Variants in PRKCE observed in about 807,000 individuals in gnomAD.
PRKCE encodes the protein protein kinase C epsilon type.
Under a neutral mutation model 85.4 loss-of-function variants are expected in PRKCE, and 16 were observed. The observed-to-expected ratio is 0.19, with a 90% CI of 0.13 to 0.28. The LOEUF (loss-of-function observed/expected upper bound fraction) is 0.28. Among genes scored for constraint, PRKCE ranks in the 10% least tolerant of loss-of-function variants. The pLI is 1.00. For synonymous variants in PRKCE, 388 were observed against 371.5 expected (o/e 1.04, Z -0.51); for missense variants, 573 against 975.2 (o/e 0.59, Z 5.49).
intron 11 of PRKCE, among the ~76,000 whole-genome samples, chr2:46,108,485 A>T (rs2104187279): frequency 6.6e-6 from 1 of 152,280 alleles, no homozygotes; most frequent in Non-Finnish European, 1.5e-5. Flanking sequence ...CAGAGTGTGG[A>T]ATGATGGACA....
intron 11 of PRKCE, among the ~76,000 whole-genome samples, chr2:46,110,283 T>G (rs1356095123): frequency 6.6e-6 from 1 of 152,150 alleles, no homozygotes; most frequent in Non-Finnish European, 1.5e-5. Context: ...CTCCCTTAAG[T>G]GTTTGGTACA....
chr2:45,743,509 T>A (rs534880554), intron 1 of PRKCE, among the ~76,000 whole-genome samples: 10 of 151,750 alleles, frequency 6.6e-5, no homozygotes, highest in Admixed American at 4.6e-4. Context: ...GTAGACTTGA[T>A]GCTTTTTTGC....
At position 45,737,271 on chromosome 2, in the gene PRKCE, A is replaced by G. The variant is rs149860906; in HGVS notation, c.348+84823A>G. On this transcript the variant is annotated intron_variant, in intron 1 of 14. Transcript: ENST00000306156. ...TTACCCTTGGCCCACGTCTTGGCTC[A>G]CTTACAGATTCCTCTCATCTTCTGG... Among the ~76,000 whole-genome samples, 575 of 152,342 alleles carry G rather than the reference A, an allele frequency of 3.8e-3. 5 individuals are homozygous for G. Among genetic ancestry groups the G allele is most frequent in the African/African-American group, 0.013 (557 of 41,582 alleles).
intron 1 of PRKCE, among the ~76,000 whole-genome samples, chr2:45,730,510 A>C (rs1681478975): frequency 6.8e-6 from 1 of 146,426 alleles, no homozygotes; most frequent in African/African-American, 2.6e-5. Context: ...CCCAGGCTCG[A>C]GTACAGTGGC....
At chr2:46,125,926 A>G (rs533692169) in intron 11 of PRKCE, among the ~76,000 whole-genome samples, 1 of 152,310 alleles carries the variant, frequency 6.6e-6, no homozygotes, top group African/African-American at 2.4e-5. Context: ...GTTTAAAATG[A>G]TTAAAAGTGA....
intron 11 of PRKCE, among the ~76,000 whole-genome samples, chr2:46,126,678 G>A (rs756190782): frequency 3.9e-5 from 6 of 152,066 alleles, no homozygotes; most frequent in Non-Finnish European, 7.4e-5. Context: ...GCTTTCTTGT[G>A]TCTCCCCATA....
rs1054757899 is a variant in PRKCE at position 46,031,982 on chromosome 2, G to T, written c.1437+21465G>T. ...TCTCATTTTGAACATTTACTTTTCA[G>T]ACATTTATTTGGTTTTTTAAACTTC... On this transcript the variant is annotated intron_variant, in intron 10 of 14. Coordinates refer to ENST00000306156, the MANE Select transcript of PRKCE (RefSeq NM_005400.3). 3.3e-5 allele frequency among the ~76,000 whole-genome samples: 5 copies of T among 152,276 alleles called. No homozygotes were observed. In the South Asian group the frequency reaches 1.0e-3, roughly 32 times the overall value.
chr2:46,159,831 G>T lies in PRKCE; in HGVS notation c.2067+79G>T. 3 of 1,557,782 alleles carry T rather than the reference G, an allele frequency of 1.9e-6. No individual in the cohort carries two copies. The highest frequency in any genetic ancestry group is 2.6e-6 in the Non-Finnish European group (3 of 1,155,260). Reference sequence around the variant, plus strand: ...AGGACAGGCTGCGTGCACCCAGGAAGAGTTGGTCAGGGGATGCGTATTACA... The same window carrying T: ...AGGACAGGCTGCGTGCACCCAGGAATAGTTGGTCAGGGGATGCGTATTACA... On this transcript the variant is annotated intron_variant, in intron 14 of 14. Transcript: ENST00000306156. The surrounding 1 kb of genome is among the most constrained non-coding windows in gnomAD (Gnocchi z 4.1).
chr2:46,130,190 G>A (rs1217338618), intron 11 of PRKCE, among the ~76,000 whole-genome samples: 1 of 151,924 alleles, frequency 6.6e-6, no homozygotes, highest in Non-Finnish European at 1.5e-5. Context: ...TACAAAATTG[G>A]AAAGAGACAA....
At chr2:46,053,259 C>G (rs757100586) in intron 10 of PRKCE, among the ~76,000 whole-genome samples, 12 of 152,062 alleles carry the variant, frequency 7.9e-5, no homozygotes, top group Admixed American at 3.3e-4. Context: ...CTAGAAAAAT[C>G]CCAGGAAAGT....
At chr2:45,775,130 G>C (rs908294988) in intron 1 of PRKCE, among the ~76,000 whole-genome samples, 4 of 152,090 alleles carry the variant, frequency 2.6e-5, no homozygotes, top group Non-Finnish European at 5.9e-5. Context: ...GGCACTTTAC[G>C]TAATTGCCCC....
intron 10 of PRKCE, among the ~76,000 whole-genome samples, chr2:46,082,143 T>C (rs1275972519): frequency 6.6e-6 from 1 of 151,974 alleles, no homozygotes; most frequent in Non-Finnish European, 1.5e-5. Context: ...TACAAGCAGA[T>C]TTCTGTTTCG....
At chr2:45,903,568 C>T (rs1696728270) in intron 2 of PRKCE, among the ~76,000 whole-genome samples, 1 of 152,130 alleles carries the variant, frequency 6.6e-6, no homozygotes. Context: ...TAACTATGTT[C>T]CAAATATTGC....
intron 2 of PRKCE, among the ~76,000 whole-genome samples, chr2:45,915,605 G>C (rs1253052494): frequency 6.6e-6 from 1 of 152,208 alleles, no homozygotes. Context: ...GCCTCCTAGA[G>C]GCAGATGTAG....
rs1705028134 is a variant in PRKCE, at chr2:46,004,822, G to A, written c.1063+184G>A. ...TTCATTCTCCAAGACCTTCTTGAGG[G>A]CTGGGCACTCCATGGCCATATCTGC... On this transcript the variant is annotated intron_variant, in intron 8 of 14. Coordinates refer to ENST00000306156, the MANE Select transcript of PRKCE (RefSeq NM_005400.3). The surrounding 1 kb of genome is among the most constrained non-coding windows in gnomAD (Gnocchi z 4.1). Among the ~76,000 whole-genome samples the A allele has an allele frequency of 6.6e-6, 1 of 152,172 alleles. No homozygotes were observed. The highest frequency in any genetic ancestry group is 2.4e-5 in the African/African-American group (1 of 41,448).
chr2:46,091,593 C>T (rs143770113), intron 11 of PRKCE, among the ~76,000 whole-genome samples: 300 of 152,286 alleles, frequency 2.0e-3, no homozygotes, highest in African/African-American at 6.6e-3. Context: ...GATTCCATAG[C>T]CCTGACCAAG....
chr2:45,964,030 C>T (rs1701566978), intron 2 of PRKCE, among the ~76,000 whole-genome samples: 1 of 152,216 alleles, frequency 6.6e-6, no homozygotes, highest in South Asian at 2.1e-4. Context: ...TGGCCTGCCA[C>T]TGACTGGGTG....
chr2:46,010,802 A>G lies in PRKCE; in HGVS notation c.1437+285A>G, dbSNP rs1333919675. On this transcript the variant is annotated intron_variant, in intron 10 of 14. Coordinates refer to ENST00000306156, the MANE Select transcript of PRKCE (RefSeq NM_005400.3). Reference sequence around the variant, plus strand: ...AACTCACTGTTTGCTCATTGGAAAAACCAACAAGTGTGGTTAGTCCTTGCT... The same window carrying G: ...AACTCACTGTTTGCTCATTGGAAAAGCCAACAAGTGTGGTTAGTCCTTGCT... The G allele has an allele frequency of 6.9e-6, 11 of 1,586,394 alleles. No individual in the cohort carries two copies. The East Asian group carries it at 2.5e-4, about 36-fold the overall frequency.
chr2:46,013,657 A>G (rs1705874862), intron 10 of PRKCE, among the ~76,000 whole-genome samples: 1 of 152,236 alleles, frequency 6.6e-6, no homozygotes, highest in Non-Finnish European at 1.5e-5. Context: ...ATTCAGGAAC[A>G]CAAAGACCCG....
Sources: allele counts gnomAD v4.1 joint callset (sites outside exome capture counted in the v4.1 genomes callset), GRCh38; gene constraint gnomAD v4.1.1; non-coding constraint Gnocchi (gnomAD v3.1); transcripts MANE v1.5; gene names NCBI Gene and HGNC (gene_info 2026-07-23, HGNC 2026-07-21).